HSF2: variants seen among roughly 807,000 people sequenced by gnomAD.
HSF2 encodes the protein heat shock factor protein 2.
A neutral mutation model predicts 65.0 loss-of-function variants in HSF2; 21 were observed. The ratio of observed to expected loss-of-function variants is 0.32; its 90% CI spans 0.23 to 0.47. The LOEUF (loss-of-function observed/expected upper bound fraction) is 0.47. Among genes scored for constraint, HSF2 ranks in the 20% least tolerant of loss-of-function variants. HSF2 has a pLI of 1.00. For synonymous variants in HSF2, 225 were observed against 219.1 expected (o/e 1.03, Z -0.24); for missense variants, 499 against 628.1 (o/e 0.79, Z 2.20).
At chr6:122,416,843 T>C (rs990959581) in intron 5 of HSF2, among the ~76,000 whole-genome samples, 1 of 152,230 alleles carries the variant, frequency 6.6e-6, no homozygotes, top group African/African-American at 2.4e-5. Context: ...GAAAATTTAA[T>C]AGAGGAGTTG....
intron 10 of HSF2, among the ~76,000 whole-genome samples, chr6:122,427,144 G>C (rs1774356278): frequency 6.6e-6 from 1 of 151,958 alleles, no homozygotes; most frequent in African/African-American, 2.4e-5. Flanking sequence ...ACCATCTTCT[G>C]TTAAAATACT....
Position 122,412,751 on chromosome 6 carries a change from A to G in HSF2, c.317A>G (p.Asn106Ser), listed in dbSNP as rs1301693044. ...FKQGQDDLLE[N>S]IKRKVSSSKP... ...CAAGGACAGGATGACTTGTTGGAGA[A>G]CATTAAAAGGAAGGTGAGCTATTGT... Residue 106 changes from asparagine (N) to serine (S), a missense_variant, in exon 3 of 13, where the codon AAC becomes AGC. This residue lies in a region of HSF2 where 150 missense variants were observed against 234.6 expected (regional missense o/e 0.64). Transcript: ENST00000368455. The G allele has an allele frequency of 6.2e-7, 1 of 1,612,848 alleles. No individual in the cohort carries two copies. Among genetic ancestry groups the G allele is most frequent in the Admixed American group, 1.7e-5 (1 of 59,964 alleles).
intron 8 of HSF2, 68 bp from the exon 9 acceptor site, chr6:122,422,650 A>C: frequency 6.7e-7 from 1 of 1,492,526 alleles, no homozygotes; most frequent in Non-Finnish European, 9.3e-7. Context: ...TCCATTTAGA[A>C]TGAATGGATA....
chr6:122,402,847 C>T (rs1773771274), intron 1 of HSF2, among the ~76,000 whole-genome samples: 1 of 151,992 alleles, frequency 6.6e-6, no homozygotes, highest in African/African-American at 2.4e-5. Context: ...CCACCGGCGC[C>T]CAGGTACTCT....
intron 1 of HSF2, among the ~76,000 whole-genome samples, chr6:122,407,204 A>G (rs1031268620): frequency 7.9e-5 from 12 of 152,196 alleles, no homozygotes; most frequent in Non-Finnish European, 1.2e-4. Context: ...AAAGAGATCA[A>G]CTGTGTCACA....
At chr6:122,429,567 A>G (rs531139533) in intron 11 of HSF2, among the ~76,000 whole-genome samples, 6 of 152,080 alleles carry the variant, frequency 3.9e-5, no homozygotes, top group Non-Finnish European at 7.4e-5. Flanking sequence ...CAGTACAGCA[A>G]TCTTAATTGG....
At chr6:122,417,774 A>G (rs569941112) in intron 5 of HSF2, among the ~76,000 whole-genome samples, 6 of 152,316 alleles carry the variant, frequency 3.9e-5, no homozygotes, top group African/African-American at 1.4e-4. Flanking sequence ...GTTCTTATAA[A>G]TTCAACCTGA....
intron 5 of HSF2, among the ~76,000 whole-genome samples, chr6:122,416,678 T>TA (rs1395427149): frequency 6.6e-6 from 1 of 152,216 alleles, no homozygotes; most frequent in Non-Finnish European, 1.5e-5. Context: ...AAGGCATAGT[T>TA]AAGGTCTCAG....
intron 1 of HSF2, among the ~76,000 whole-genome samples, chr6:122,406,597 T>C (rs562632398): frequency 7.4e-4 from 112 of 152,308 alleles, no homozygotes; most frequent in South Asian, 2.1e-3. Context: ...TTGAAATCTT[T>C]GAAGGCAAAG....
intron 11 of HSF2, among the ~76,000 whole-genome samples, chr6:122,430,254 A>G (rs1374840975): frequency 6.6e-6 from 1 of 152,126 alleles, no homozygotes; most frequent in East Asian, 1.9e-4. Flanking sequence ...TGTGTCCAGG[A>G]ATTTATTCAT....
At chr6:122,416,076 T>G (rs1343228731) in intron 4 of HSF2, 145 bp from the exon 5 acceptor site, 1 of 565,116 alleles carries the variant, frequency 1.8e-6, no homozygotes, top group Non-Finnish European at 3.1e-6. Context: ...CCTATGTAAT[T>G]GAACCAAAGT....
chr6:122,412,119 C>T (rs1030050298), intron 1 of HSF2, among the ~76,000 whole-genome samples: 1 of 151,756 alleles, frequency 6.6e-6, no homozygotes, highest in African/African-American at 2.4e-5. Context: ...TAATATTTCA[C>T]CATAGAGTGT....
chr6:122,402,782 C>T (rs553295803), intron 1 of HSF2, among the ~76,000 whole-genome samples: 1 of 152,104 alleles, frequency 6.6e-6, no homozygotes, highest in Non-Finnish European at 1.5e-5. Context: ...AAACTCCTGA[C>T]CTCAAGTGAT....
At chr6:122,406,620 C>G (rs1773873548) in intron 1 of HSF2, among the ~76,000 whole-genome samples, 2 of 152,224 alleles carry the variant, frequency 1.3e-5, no homozygotes, top group South Asian at 4.1e-4. Flanking sequence ...GCAGGATTTG[C>G]TGATAAATTG....
At chr6:122,421,433 G>C (rs1774233333) in intron 7 of HSF2, among the ~76,000 whole-genome samples, 1 of 125,280 alleles carries the variant, frequency 8.0e-6, no homozygotes, top group Admixed American at 7.6e-5. Flanking sequence ...AGGATTGAAG[G>C]CTCATGTAAG....
intron 8 of HSF2, among the ~76,000 whole-genome samples, 177 bp from the exon 9 acceptor site, chr6:122,422,541 A>G (rs3823188): frequency 0.21 from 31,646 of 152,086 alleles, 3,672 homozygotes; most frequent in Non-Finnish European, 0.27. Context: ...CTTCTCATTC[A>G]ATCTTTATGG....
intron 5 of HSF2, among the ~76,000 whole-genome samples, chr6:122,417,242 T>C (rs1323602367): frequency 6.6e-6 from 1 of 152,154 alleles, no homozygotes; most frequent in Non-Finnish European, 1.5e-5. Flanking sequence ...TTTAAAACTT[T>C]CATAGGCAAC....
chr6:122,404,797 CAAAG>C (rs1332622710), intron 1 of HSF2, among the ~76,000 whole-genome samples: 1 of 151,966 alleles, frequency 6.6e-6, no homozygotes, highest in Non-Finnish European at 1.5e-5. Context: ...TTTTTGCACT[CAAAG>C]AAGTTATTTA....
chr6:122,426,713 G>A (rs1774346308), intron 10 of HSF2, among the ~76,000 whole-genome samples: 1 of 152,062 alleles, frequency 6.6e-6, no homozygotes. Flanking sequence ...TAGAGAGAAT[G>A]GAGGAAGAAT....
Sources: allele counts gnomAD v4.1 joint callset (sites outside exome capture counted in the v4.1 genomes callset), GRCh38; gene constraint gnomAD v4.1.1; regional missense constraint gnomAD v4.1.1; transcripts MANE v1.5; gene names NCBI Gene and HGNC (gene_info 2026-07-23, HGNC 2026-07-21).